RELN: variants seen among roughly 807,000 people sequenced by gnomAD.
RELN encodes the protein reelin.
RELN carries 108 observed loss-of-function variants against 427.6 expected under a neutral mutation model. The ratio of observed to expected loss-of-function variants is 0.25; its 90% CI spans 0.22 to 0.30. The LOEUF is 0.30. Ranked by LOEUF, RELN falls within the 10% of genes least tolerant of loss-of-function variation. RELN has a pLI of 1.00. For missense variants in RELN, 3,715 were observed against 4,302.8 expected, an observed-to-expected ratio of 0.86 and a Z score of 3.82; for synonymous variants, 1,524 against 1,513.4, an observed-to-expected ratio of 1.01 and a Z score of -0.16.
At chr7:103,934,762 AG>A (rs2116717995) in intron 1 of RELN, among the ~76,000 whole-genome samples, 1 of 152,346 alleles carries the variant, frequency 6.6e-6, no homozygotes, top group East Asian at 1.9e-4. Context: ...GCAGCAGCAA[AG>A]GGCACTTCAC....
intron 29 of RELN, among the ~76,000 whole-genome samples, chr7:103,575,247 A>C (rs1830972875): frequency 6.6e-6 from 1 of 152,234 alleles, no homozygotes; most frequent in African/African-American, 2.4e-5. Flanking sequence ...GGATGAAATA[A>C]AAAGAACCTC....
intron 6 of RELN, among the ~76,000 whole-genome samples, chr7:103,728,679 A>G (rs2283024): frequency 0.26 from 39,752 of 152,022 alleles, 5,332 homozygotes; most frequent in South Asian, 0.38. Flanking sequence ...CTTACATAAA[A>G]ACTTGTATCT....
rs1460535941 is a variant in RELN at position 103,620,253 on chromosome 7, C to T, written c.2703-8450G>A. Among the ~76,000 whole-genome samples, 10 of 152,124 alleles carry T rather than the reference C, an allele frequency of 6.6e-5. No homozygotes were observed. The highest frequency in any genetic ancestry group is 1.0e-4 in the Non-Finnish European group (7 of 68,030). ...TTTGCCTTCTGCCATGATTGTGAGG[C>T]CTCCTCAGTCACGTGGAACTGTGAG... On this transcript the variant is annotated intron_variant, in intron 20 of 64. Transcript: ENST00000428762. The surrounding 1 kb of genome is among the most constrained non-coding windows in gnomAD (Gnocchi z 4.1).
intron 3 of RELN, among the ~76,000 whole-genome samples, chr7:103,807,445 TTTG>T (rs1351268137): frequency 6.6e-6 from 1 of 152,188 alleles, no homozygotes; most frequent in African/African-American, 2.4e-5. Context: ...CGTGAAGCTT[TTTG>T]TTGTTATTTT....
chr7:103,967,458 G>T (rs1454062329), intron 1 of RELN, among the ~76,000 whole-genome samples: 2 of 152,144 alleles, frequency 1.3e-5, no homozygotes, highest in Non-Finnish European at 2.9e-5. Context: ...CTAGAGCAGT[G>T]AACCTACCAG....
chr7:103,483,429 A>C (rs1421835816), intron 62 of RELN, among the ~76,000 whole-genome samples: 2 of 152,238 alleles, frequency 1.3e-5, no homozygotes, highest in Admixed American at 1.3e-4. Context: ...ATTATTGTCT[A>C]TTCCCTCTTG....
intron 33 of RELN, among the ~76,000 whole-genome samples, chr7:103,565,974 T>C (rs1199438538): frequency 1.2e-3 from 2 of 1,650 alleles, no homozygotes; most frequent in Non-Finnish European, 1.6e-3. Flanking sequence ...TGTCCTCTCA[T>C]AGATTTTTTT....
intron 2 of RELN, among the ~76,000 whole-genome samples, chr7:103,887,426 AGAG>A (rs1794747901): frequency 6.6e-6 from 1 of 152,202 alleles, no homozygotes; most frequent in Non-Finnish European, 1.5e-5. Flanking sequence ...GAGTTGCAGA[AGAG>A]AGGGAAGTTT....
rs558073879 is a variant in RELN at position 103,489,770 on chromosome 7, G to A, written c.9735C>T (p.Ala3245=). ...GGAAGCTCTCGTCGCAGATGCAGATGGCACCGGTCGTGCAGTATCCGTGCC... is the reference window on the plus strand; with the variant it reads ...GGAAGCTCTCGTCGCAGATGCAGATAGCACCGGTCGTGCAGTATCCGTGCC... ...CSGHGYCTTG[A]ICICDESFQG... Residue 3245 remains alanine (A), a synonymous_variant, in exon 60 of 65, where the codon GCC becomes GCT. Coordinates refer to ENST00000428762, the MANE Select transcript of RELN (RefSeq NM_005045.4). The A allele has an allele frequency of 1.2e-6, 2 of 1,614,110 alleles. No homozygotes were observed. The highest frequency in any genetic ancestry group is 1.3e-5 in the African/African-American group (1 of 75,048).
In RELN at chr7:103,808,475, G is replaced by A. The variant is rs545118551; in HGVS notation, c.473+25062C>T. 4.6e-5 allele frequency among the ~76,000 whole-genome samples: 7 copies of A among 152,040 alleles called. No homozygotes were observed. The South Asian group carries it at 1.5e-3, about 32-fold the overall frequency. On this transcript the variant is annotated intron_variant, in intron 3 of 64. Coordinates refer to ENST00000428762, the MANE Select transcript of RELN (RefSeq NM_005045.4). ...CTTCAACTCCTGCTCCCCCTGGCATGGAACTTCCAGGTCAACAATCACTAG... is the reference window on the plus strand; with the variant it reads ...CTTCAACTCCTGCTCCCCCTGGCATAGAACTTCCAGGTCAACAATCACTAG...
chr7:103,649,645 T>C (rs1832871486), intron 16 of RELN, among the ~76,000 whole-genome samples: 1 of 136,624 alleles, frequency 7.3e-6, no homozygotes. Flanking sequence ...TGTACAGACA[T>C]GCAACCCAAG....
chr7:103,785,377 T>C (rs1791990811), intron 3 of RELN, among the ~76,000 whole-genome samples: 1 of 152,106 alleles, frequency 6.6e-6, no homozygotes, highest in Non-Finnish European at 1.5e-5. Context: ...TAAAAAACAA[T>C]GTTTTCTGCT....
intron 19 of RELN, 100 bp from the exon 20 acceptor site, chr7:103,630,276 A>T: frequency 1.2e-6 from 1 of 824,474 alleles, no homozygotes; most frequent in East Asian, 2.6e-5. Context: ...GTATTAAAGA[A>T]ATAGTTCTCC....
chr7:103,703,971 C>T (rs1474013619), intron 8 of RELN, among the ~76,000 whole-genome samples: 1 of 152,138 alleles, frequency 6.6e-6, no homozygotes, highest in Admixed American at 6.5e-5. Flanking sequence ...TAGTCATAAA[C>T]AAAATTAGCA....
Position 103,989,467 on chromosome 7 carries a change from C to G in RELN, c.-111G>C. The G allele has an allele frequency of 1.0e-6, 1 of 976,864 alleles. No homozygotes were observed. The allele number at this position is 976,864 out of a possible 1,614,324, so 60.5% of individuals were successfully genotyped here. On this transcript the variant is annotated 5_prime_UTR_variant, in exon 1 of 65. Coordinates refer to ENST00000428762, the MANE Select transcript of RELN (RefSeq NM_005045.4). The surrounding 1 kb of genome is among the most constrained non-coding windows in gnomAD (Gnocchi z 4.9). ...GGAGAGAAGGCGAGAAGAAGGCGGA[C>G]GGGAGCGGAACGGGCTCGGGAGCGG...
At chr7:103,861,501 T>C (rs1794070915) in intron 2 of RELN, among the ~76,000 whole-genome samples, 2 of 152,172 alleles carry the variant, frequency 1.3e-5, no homozygotes, top group African/African-American at 4.8e-5. Flanking sequence ...GCTGCCTGAC[T>C]ATATACTAGG....
At position 103,884,291 on chromosome 7, in the gene RELN, T is replaced by C. The variant is rs191755690; in HGVS notation, c.337+32784A>G. Among the ~76,000 whole-genome samples the C allele has an allele frequency of 1.8e-3, 267 of 152,296 alleles. 1 individual carries two copies. The highest frequency in any genetic ancestry group is 3.8e-3 in the Admixed American group (58 of 15,290). On this transcript the variant is annotated intron_variant, in intron 2 of 64. Coordinates refer to ENST00000428762, the MANE Select transcript of RELN (RefSeq NM_005045.4). The stretch of plus-strand genomic sequence containing the variant: ...TACACAAAAATTAGTTCAAGATGGA[T>C]TAAAGATTTAAATGCAAGACCTGAA...
intron 4 of RELN, among the ~76,000 whole-genome samples, chr7:103,757,581 G>T (rs1441407820): frequency 6.6e-6 from 1 of 152,152 alleles, no homozygotes; most frequent in Non-Finnish European, 1.5e-5. Context: ...AAACAGAAAT[G>T]TTCTTAAAGA....
At chr7:103,501,349 C>G (rs934905128) in intron 52 of RELN, among the ~76,000 whole-genome samples, 9 of 152,166 alleles carry the variant, frequency 5.9e-5, no homozygotes, top group African/African-American at 9.7e-5. Flanking sequence ...ATACACACAG[C>G]CCTCAGGCGG....
Sources: gnomAD v4.1 joint callset for allele counts (sites outside exome capture counted in the v4.1 genomes callset) on GRCh38, gnomAD v4.1.1 for gene constraint, Gnocchi (gnomAD v3.1) non-coding constraint, MANE v1.5 for transcripts, NCBI Gene and HGNC (gene_info 2026-07-23, HGNC 2026-07-21) for gene names.